USP15: variants seen among roughly 807,000 people sequenced by gnomAD.
USP15 encodes ubiquitin specific peptidase 15.
A neutral mutation model predicts 127.1 loss-of-function variants in USP15; 18 were observed. That is an observed-to-expected ratio of 0.14 (90% CI 0.10 to 0.21). The LOEUF is 0.21. Among genes scored for constraint, USP15 ranks in the 10% least tolerant of loss-of-function variants. USP15 has a pLI of 1.00. For missense variants in USP15, 805 were observed against 1,159.9 expected, an observed-to-expected ratio of 0.69 and a Z score of 4.44; for synonymous variants, 364 against 393.7, an observed-to-expected ratio of 0.92 and a Z score of 0.89.
At chr12:62,373,097 A>T (rs1181664700) in intron 8 of USP15, among the ~76,000 whole-genome samples, 1 of 152,066 alleles carries the variant, frequency 6.6e-6, no homozygotes, top group Non-Finnish European at 1.5e-5. Context: ...TATCACAGAG[A>T]CTTCCACTTT....
chr12:62,313,220 C>G (rs1214222386), intron 3 of USP15, among the ~76,000 whole-genome samples: 2 of 151,560 alleles, frequency 1.3e-5, no homozygotes, highest in Admixed American at 6.6e-5. Flanking sequence ...TTTCATAGAT[C>G]TCACAATAAC....
chr12:62,345,174 G>T (rs1295756274), intron 6 of USP15, among the ~76,000 whole-genome samples: 1 of 152,122 alleles, frequency 6.6e-6, no homozygotes, highest in Non-Finnish European at 1.5e-5. Flanking sequence ...TTATAAAACT[G>T]AATGCCTTTA....
Position 62,407,595 on chromosome 12 carries a change from T to C in USP15, c.*3220T>C, listed in dbSNP as rs1306750349. ...TTAATTTCATTTAATTTATATACCT[T>C]TATTACAATTTTAATTAAATGGTAA... is the stretch of plus-strand genomic sequence containing the variant. On this transcript the variant is annotated 3_prime_UTR_variant, in exon 22 of 22. Coordinates refer to ENST00000280377, the MANE Select transcript of USP15 (RefSeq NM_001252078.2). The C allele has an allele frequency of 1.3e-5, 2 of 152,226 alleles. No homozygotes were observed. Among genetic ancestry groups the C allele is most frequent in the Non-Finnish European group, 2.9e-5 (2 of 68,050 alleles). 9.4% of individuals were successfully genotyped at this position (152,226 alleles called of 1,614,324 possible). A position where few individuals can be genotyped will look rare whatever the true frequency, so the allele number is the denominator to read the frequency against.
At chr12:62,356,942 C>G (rs1217304405) in intron 8 of USP15, among the ~76,000 whole-genome samples, 3 of 151,926 alleles carry the variant, frequency 2.0e-5, no homozygotes, top group Non-Finnish European at 4.4e-5. Context: ...TATACCAGTA[C>G]TAGAAAACCC....
chr12:62,390,699 T>TTA (rs2067297856), intron 14 of USP15, among the ~76,000 whole-genome samples, 165 bp from the exon 15 acceptor site: 1 of 152,112 alleles, frequency 6.6e-6, no homozygotes, highest in African/African-American at 2.4e-5. Context: ...AACAAATTAC[T>TTA]AGTCAGTTAT....
chr12:62,265,621 A>G (rs1199051851), intron 1 of USP15, among the ~76,000 whole-genome samples: 1 of 152,174 alleles, frequency 6.6e-6, no homozygotes, highest in African/African-American at 2.4e-5. Context: ...GTCATAGCTC[A>G]CTGTAGCTTC....
intron 6 of USP15, among the ~76,000 whole-genome samples, chr12:62,344,391 G>T (rs556090455): frequency 6.6e-6 from 1 of 152,270 alleles, no homozygotes; most frequent in East Asian, 1.9e-4. Flanking sequence ...CTTGCATCTG[G>T]GTCACGCTGG....
Position 62,390,953 on chromosome 12 carries a change from A to T in USP15, c.1934A>T (p.Asn645Ile). Residue 645 changes from asparagine (N) to isoleucine (I), a missense_variant, in exon 15 of 22, where the codon AAT becomes ATT. This residue lies in a region of USP15 where 225 missense variants were observed against 239.5 expected (regional missense o/e 0.94). Transcript: ENST00000280377. ...CAAAATATTAATGGGAATGGCCCAAATGGCATACATGAAGAAGGCTCACCA... is the reference window on the plus strand; with the variant it reads ...CAAAATATTAATGGGAATGGCCCAATTGGCATACATGAAGAAGGCTCACCA... ...KDQNINGNGPNGIHEEGSPSE... is the reference protein window; with the variant it reads ...KDQNINGNGPIGIHEEGSPSE... 2 of 1,612,776 alleles carry T rather than the reference A, an allele frequency of 1.2e-6. No individual in the cohort carries two copies. The highest frequency in any genetic ancestry group is 1.7e-6 in the Non-Finnish European group (2 of 1,179,230).
intron 8 of USP15, among the ~76,000 whole-genome samples, chr12:62,372,946 T>C (rs907504671): frequency 5.9e-5 from 9 of 152,110 alleles, no homozygotes; most frequent in African/African-American, 1.9e-4. Flanking sequence ...TGAAAAAGTT[T>C]TAAAATTCAC....
chr12:62,368,167 T>G (rs914853319), intron 8 of USP15, among the ~76,000 whole-genome samples: 1 of 152,236 alleles, frequency 6.6e-6, no homozygotes, highest in South Asian at 2.1e-4. Flanking sequence ...TACTGTGGTC[T>G]GAGAGACTGT....
intron 2 of USP15, among the ~76,000 whole-genome samples, chr12:62,295,832 T>C (rs1386307676): frequency 6.6e-6 from 1 of 152,212 alleles, no homozygotes; most frequent in Non-Finnish European, 1.5e-5. Flanking sequence ...TAAGCAAGAC[T>C]AACCCCCAGT....
intron 8 of USP15, among the ~76,000 whole-genome samples, chr12:62,359,252 A>AG: frequency 6.6e-6 from 1 of 151,772 alleles, no homozygotes; most frequent in African/African-American, 2.4e-5. Flanking sequence ...AAAAAAAAAA[A>AG]AAAGAAACAC....
intron 4 of USP15, among the ~76,000 whole-genome samples, chr12:62,319,177 G>C (rs1229033241): frequency 6.6e-6 from 1 of 152,168 alleles, no homozygotes; most frequent in African/African-American, 2.4e-5. Context: ...CCGTGGCATA[G>C]CAAGAGAGAG....
At chr12:62,324,036 T>G (rs1014446155) in intron 5 of USP15, among the ~76,000 whole-genome samples, 1 of 151,870 alleles carries the variant, frequency 6.6e-6, no homozygotes. Flanking sequence ...GAAAGTATCC[T>G]TACTAGAAAA....
chr12:62,401,284 G>A lies in USP15; in HGVS notation c.2763+9G>A. 1.2e-6 allele frequency: 2 copies of A among 1,602,418 alleles called. No individual in the cohort carries two copies. The highest frequency in any genetic ancestry group is 2.2e-5 in the East Asian group (1 of 44,640). ...CTGAAGACCAAATTGTGGTAAGTTT[G>A]TCTTATATTTCCTGAGAACTATGGG... On this transcript the variant is annotated intron_variant, in intron 21 of 21. Transcript: ENST00000280377.
At chr12:62,304,644 C>A in intron 3 of USP15, 1 of 442,106 alleles carries the variant, frequency 2.3e-6, no homozygotes, top group Admixed American at 2.5e-5. Context: ...TCCTGTACCT[C>A]AAAGATCTCT....
intron 20 of USP15, among the ~76,000 whole-genome samples, chr12:62,400,405 T>A (rs182931857): frequency 6.4e-4 from 98 of 152,190 alleles, no homozygotes; most frequent in Non-Finnish European, 1.2e-3. Flanking sequence ...TAATACCTAA[T>A]ACAATGCCTG....
intron 1 of USP15, among the ~76,000 whole-genome samples, chr12:62,270,522 C>T (rs1193086237): frequency 6.6e-6 from 1 of 151,968 alleles, no homozygotes; most frequent in South Asian, 2.1e-4. Flanking sequence ...GTAATTCAAT[C>T]GAGTTAATTT....
intron 19 of USP15, among the ~76,000 whole-genome samples, 157 bp downstream of exon 19, chr12:62,393,359 A>G (rs868175940): frequency 6.6e-6 from 1 of 152,204 alleles, no homozygotes; most frequent in African/African-American, 2.4e-5. Context: ...TATAAGGATC[A>G]GTGTTTCAAA....
Sources: allele counts gnomAD v4.1 joint callset (sites outside exome capture counted in the v4.1 genomes callset), GRCh38; gene constraint gnomAD v4.1.1; regional missense constraint gnomAD v4.1.1; transcripts MANE v1.5; gene names NCBI Gene and HGNC (gene_info 2026-07-23, HGNC 2026-07-21).